FHIT: variants seen among roughly 807,000 people sequenced by gnomAD.
FHIT encodes the protein bis(5'-adenosyl)-triphosphatase.
FHIT carries 19 observed loss-of-function variants against 17.9 expected under a neutral mutation model. That is an observed-to-expected ratio of 1.06 (90% CI 0.74 to 1.56). The LOEUF (loss-of-function observed/expected upper bound fraction) is 1.56, where lower values mean the gene tolerates loss of function less well. FHIT is among the 40% of genes most tolerant of loss of function. The pLI is 0.00. For missense variants in FHIT, 248 were observed against 189.2 expected, an observed-to-expected ratio of 1.31 and a Z score of -1.82; for synonymous variants, 81 against 69.7, an observed-to-expected ratio of 1.16 and a Z score of -0.81.
intron 4 of FHIT, among the ~76,000 whole-genome samples, chr3:60,715,408 G>T (rs2041656447): frequency 6.6e-6 from 1 of 151,984 alleles, no homozygotes; most frequent in Non-Finnish European, 1.5e-5. Flanking sequence ...AAGAAATTGT[G>T]GCACATATAC....
intron 8 of FHIT, among the ~76,000 whole-genome samples, chr3:59,785,626 TC>T (rs1702815685): frequency 6.6e-6 from 1 of 152,156 alleles, no homozygotes; most frequent in African/African-American, 2.4e-5. Flanking sequence ...GCAGCATCTT[TC>T]CTTTTTCAGT....
chr3:60,137,271 A>G (rs1005462799), intron 5 of FHIT, among the ~76,000 whole-genome samples: 3 of 152,162 alleles, frequency 2.0e-5, no homozygotes, highest in African/African-American at 7.2e-5. Flanking sequence ...GACATTTTGA[A>G]AACTGAACTT....
chr3:61,068,240 T>G (rs1201381543), intron 2 of FHIT, among the ~76,000 whole-genome samples: 1 of 152,216 alleles, frequency 6.6e-6, no homozygotes, highest in African/African-American at 2.4e-5. Flanking sequence ...GTAAGCAGAC[T>G]CCTTTCTGCA....
chr3:60,371,951 C>A (rs560722175), intron 5 of FHIT, among the ~76,000 whole-genome samples: 1 of 151,066 alleles, frequency 6.6e-6, no homozygotes, highest in Non-Finnish European at 1.5e-5. Context: ...AGAATCTTCA[C>A]AATTATGTAA....
intron 8 of FHIT, among the ~76,000 whole-genome samples, chr3:59,903,411 T>C (rs1704427458): frequency 6.6e-6 from 1 of 152,184 alleles, no homozygotes; most frequent in Non-Finnish European, 1.5e-5. Flanking sequence ...TTGTACATTT[T>C]AAATGGGTGA....
At position 60,716,391 on chromosome 3, in the gene FHIT, TA is replaced by T. The variant is rs782516095; in HGVS notation, c.-18+105527del. 1.1e-3 allele frequency among the ~76,000 whole-genome samples: 161 copies of T among 152,330 alleles called. No homozygotes were observed. The Middle Eastern group carries it at 0.017, about 16-fold the overall frequency. On this transcript the variant is annotated intron_variant, in intron 4 of 9. Transcript: ENST00000492590. ...TTTTTATATTTTTAAATATTTGTAT[TA>T]TTTTTTTAAACTTTTTTTTGTTAAA...
chr3:60,220,523 T>C (rs957077111), intron 5 of FHIT, among the ~76,000 whole-genome samples: 2 of 152,242 alleles, frequency 1.3e-5, no homozygotes, highest in Non-Finnish European at 2.9e-5. Context: ...ATGATTTATA[T>C]AATTTCTAAG....
intron 5 of FHIT, among the ~76,000 whole-genome samples, chr3:60,235,846 G>A (rs1216257431): frequency 2.0e-5 from 3 of 152,110 alleles, no homozygotes; most frequent in Admixed American, 2.0e-4. Flanking sequence ...ACTCACAATG[G>A]AGATCCTCCC....
At chr3:61,200,806 A>G (rs35198002) in intron 1 of FHIT, 141 bp from the exon 2 acceptor site, 65,826 of 152,090 alleles carry the variant, frequency 0.43, 14,642 homozygotes, top group East Asian at 0.58. Context: ...CTTGTGCCTC[A>G]TACCTCCCGC....
In FHIT at chr3:60,877,918, G is replaced by A. The variant is rs574280063; in HGVS notation, c.-110-55907C>T. On this transcript the variant is annotated intron_variant, in intron 3 of 9. Coordinates refer to ENST00000492590, the MANE Select transcript of FHIT (RefSeq NM_002012.4). ...ATTCTAGGGTACTTGCTGCCACTGC[G>A]CCTGGCCACATGGAGTCTGGGATAC... Among the ~76,000 whole-genome samples, 33 of 152,050 alleles carry A rather than the reference G, an allele frequency of 2.2e-4. No individual in the cohort carries two copies. The South Asian group carries it at 6.4e-3, about 30-fold the overall frequency.
At chr3:60,479,980 G>A (rs9852001) in intron 5 of FHIT, among the ~76,000 whole-genome samples, 45,627 of 152,010 alleles carry the variant, frequency 0.3, 7,450 homozygotes, top group South Asian at 0.52. Flanking sequence ...ACTGGTTGAT[G>A]TTGTATTAGT....
At chr3:60,109,005 G>C (rs1227935688) in intron 5 of FHIT, among the ~76,000 whole-genome samples, 2 of 152,076 alleles carry the variant, frequency 1.3e-5, no homozygotes, top group East Asian at 3.9e-4. Context: ...TTGTTAATCT[G>C]GTAATTTTCT....
At chr3:60,802,425 C>T (rs991708986) in intron 4 of FHIT, among the ~76,000 whole-genome samples, 4 of 152,176 alleles carry the variant, frequency 2.6e-5, no homozygotes, top group Admixed American at 2.6e-4. Flanking sequence ...TCCATGGGCT[C>T]ATTATTGGCT....
intron 4 of FHIT, among the ~76,000 whole-genome samples, chr3:60,605,836 A>T (rs1009332676): frequency 1.3e-5 from 2 of 152,158 alleles, no homozygotes; most frequent in Non-Finnish European, 2.9e-5. Flanking sequence ...ATCACAGGGG[A>T]TGGGAGAGGA....
chr3:60,412,806 A>G (rs1277931082), intron 5 of FHIT, among the ~76,000 whole-genome samples: 2 of 152,120 alleles, frequency 1.3e-5, no homozygotes, highest in Non-Finnish European at 2.9e-5. Context: ...GAGGGAAGTA[A>G]TTGGATTATG....
At chr3:60,359,876 CAAT>C (rs1699832642) in intron 5 of FHIT, among the ~76,000 whole-genome samples, 1 of 151,318 alleles carries the variant, frequency 6.6e-6, no homozygotes, top group Non-Finnish European at 1.5e-5. Flanking sequence ...TAAAATCCAA[CAAT>C]GATGGGAAAT....
intron 2 of FHIT, among the ~76,000 whole-genome samples, chr3:61,059,746 C>G (rs956380596): frequency 6.6e-6 from 1 of 152,210 alleles, no homozygotes; most frequent in Non-Finnish European, 1.5e-5. Flanking sequence ...ACTACAGGTC[C>G]TCAACGTCGT....
At chr3:60,609,914 A>T (rs2038733543) in intron 4 of FHIT, among the ~76,000 whole-genome samples, 1 of 152,204 alleles carries the variant, frequency 6.6e-6, no homozygotes, top group African/African-American at 2.4e-5. Flanking sequence ...TTACAGAAGA[A>T]AGATTAGACT....
intron 5 of FHIT, among the ~76,000 whole-genome samples, chr3:60,229,497 G>C (rs968614681): frequency 1.3e-5 from 2 of 151,684 alleles, no homozygotes; most frequent in South Asian, 2.1e-4. Flanking sequence ...GATGGGAGAA[G>C]AACAACAGTG....
Sources: allele counts gnomAD v4.1 joint callset (sites outside exome capture counted in the v4.1 genomes callset), GRCh38; gene constraint gnomAD v4.1.1; transcripts MANE v1.5; gene names NCBI Gene and HGNC (gene_info 2026-07-23, HGNC 2026-07-21).